Variants in SIRT4 observed in about 807,000 individuals in gnomAD.
SIRT4 encodes the protein NAD-dependent protein lipoamidase sirtuin-4, mitochondrial.
In SIRT4, 23 loss-of-function variants were observed where a neutral mutation model predicts 26.1. That is an observed-to-expected ratio of 0.88 (90% CI 0.63 to 1.25). The LOEUF (loss-of-function observed/expected upper bound fraction) is 1.25, where lower values mean the gene tolerates loss of function less well. Among genes scored for constraint, SIRT4 ranks in the 50% most tolerant of loss-of-function variants. SIRT4 has a pLI of 0.00. For missense variants in SIRT4, 361 were observed against 405.4 expected, an observed-to-expected ratio of 0.89 and a Z score of 0.94; for synonymous variants, 155 against 158.4, an observed-to-expected ratio of 0.98 and a Z score of 0.16.
rs200521731 is a variant in SIRT4 at position 120,306,027 on chromosome 12, AG to A, written c.497+1970del. On this transcript the variant is annotated intron_variant, in intron 2 of 3. Coordinates refer to ENST00000202967, the MANE Select transcript of SIRT4 (RefSeq NM_012240.3). ...ACTCCGTCTCAAAAAAAAAAAAAAA[AG>A]AAAGAAAGAAAATTGTGTCCACCAG... Among the ~76,000 whole-genome samples, 68 of 150,644 alleles carry A rather than the reference AG, an allele frequency of 4.5e-4. 1 individual carries two copies. The highest frequency in any genetic ancestry group is 1.2e-3 in the African/African-American group (50 of 41,364).
At chr12:120,302,091 T>G (rs1872571372), upstream of SIRT4, among the ~76,000 whole-genome samples, 1 of 150,732 alleles carries the variant, frequency 6.6e-6, no homozygotes, top group Non-Finnish European at 1.5e-5. Context: ...AAAAAAAATC[T>G]TATGTACACT....
chr12:120,297,494 CAAA>C (rs200686377), upstream of SIRT4, among the ~76,000 whole-genome samples: 1,841 of 83,616 alleles, frequency 0.022, 42 homozygotes, highest in African/African-American at 0.061. Context: ...ACTTGGATGA[CAAA>C]AAAAAAAAGA....
intron 2 of SIRT4, among the ~76,000 whole-genome samples, chr12:120,308,101 C>G (rs1872812519): frequency 6.6e-6 from 1 of 151,590 alleles, no homozygotes; most frequent in African/African-American, 2.4e-5. Flanking sequence ...AAGCCCTCCT[C>G]CTGCCTTGAT....
intron 2 of SIRT4, among the ~76,000 whole-genome samples, chr12:120,309,618 G>A (rs779852461): frequency 1.1e-4 from 17 of 151,382 alleles, no homozygotes; most frequent in Admixed American, 2.6e-4. Context: ...CACCGTGTTG[G>A]GCCAGGCTGG....
the SIRT4 span, among the ~76,000 whole-genome samples, chr12:120,292,198 G>A: frequency 6.6e-6 from 1 of 152,224 alleles, no homozygotes; most frequent in East Asian, 1.9e-4. Context: ...TGAGCAGTGG[G>A]AAAGCGAGCC....
chr12:120,312,998 C>T lies in SIRT4; in HGVS notation c.907C>T (p.Arg303Cys), dbSNP rs200335467. Residue 303 changes from arginine to cysteine, a missense_variant, in exon 4 of 4, where the codon CGT (arginine) becomes TGT (cysteine). Coordinates refer to ENST00000202967, the MANE Select transcript of SIRT4 (RefSeq NM_012240.3). ...CTTGGCGTGTCTGAAACTGAATTCT[C>T]GTTGTGGAGAGTTGCTGCCTTTGAT... ...DDLACLKLNS[R>C]CGELLPLIDP... 58 of 1,614,144 alleles carry T rather than the reference C, an allele frequency of 3.6e-5. No homozygotes were observed. Among genetic ancestry groups the T allele is most frequent in the South Asian group, 1.4e-4 (13 of 91,082 alleles).
chr12:120,296,274 G>C, the SIRT4 span, among the ~76,000 whole-genome samples: 1 of 151,082 alleles, frequency 6.6e-6, no homozygotes, highest in African/African-American at 2.4e-5. Context: ...CTGGAGTGCA[G>C]TGGCGCAATC....
chr12:120,293,225 A>T, the SIRT4 span: 22 of 152,332 alleles, frequency 1.4e-4, no homozygotes, highest in East Asian at 3.9e-3. Flanking sequence ...CGATACTGCC[A>T]CTGCGCAAAG....
chr12:120,300,408 C>T (rs1337661141), upstream of SIRT4, among the ~76,000 whole-genome samples: 3 of 152,106 alleles, frequency 2.0e-5, no homozygotes, highest in African/African-American at 7.2e-5. Context: ...TCTCAAGCTT[C>T]CACATTACTT....
Position 120,312,959 on chromosome 12 carries a change from A to T in SIRT4, c.868A>T (p.Thr290Ser). The T allele has an allele frequency of 6.2e-7, 1 of 1,614,136 alleles. No homozygotes were observed. Among genetic ancestry groups the T allele is most frequent in the Non-Finnish European group, 8.5e-7 (1 of 1,180,030 alleles). Residue 290 changes from threonine (T) to serine (S), a missense_variant, in exon 4 of 4, where the codon ACA becomes TCA. By Grantham distance (58) the Thr-to-Ser change is moderately conservative. Coordinates refer to ENST00000202967, the MANE Select transcript of SIRT4 (RefSeq NM_012240.3). The part of the protein sequence containing the change: ...LPIAILNIGP[T>S]RSDDLACLKL... The stretch of plus-strand genomic sequence containing the variant: ...GATTGCAATACTGAACATTGGGCCC[A>T]CACGGTCGGATGACTTGGCGTGTCT...
At chr12:120,305,233 G>A (rs1312971529) in intron 2 of SIRT4, among the ~76,000 whole-genome samples, 1 of 57,222 alleles carries the variant, frequency 1.7e-5, no homozygotes, top group Non-Finnish European at 3.4e-5. Context: ...TTTTGTGTTT[G>A]TGTGTGCACG....
rs1388772657 is a variant in SIRT4, at chr12:120,304,827, ATATATATATTTTTTTTTTT to A, written c.497+771_497+789del. The stretch of plus-strand genomic sequence containing the variant: ...TTTATATATATATATATATATATAT[ATATATATATTTTTTTTTTT>A]TTTTTTTTTTTTTAAAGAAAGTTGA... On this transcript the variant is annotated intron_variant, in intron 2 of 3. Transcript: ENST00000202967. 6.6e-4 allele frequency among the ~76,000 whole-genome samples: 69 copies of A among 104,228 alleles called. 3 individuals are homozygous for A. The highest frequency in any genetic ancestry group is 4.7e-3 in the Middle Eastern group (1 of 214). The allele number at this position is 104,228 out of a possible 152,430, so 68.4% of individuals were successfully genotyped here.
At chr12:120,306,492 C>A (rs988160025) in intron 2 of SIRT4, among the ~76,000 whole-genome samples, 31 of 142,144 alleles carry the variant, frequency 2.2e-4, no homozygotes, top group Admixed American at 7.1e-4. Context: ...AAAAAAAAAA[C>A]AAACAAAAAA....
chr12:120,293,035 A>AT, the SIRT4 span: 1 of 149,956 alleles, frequency 6.7e-6, no homozygotes, highest in African/African-American at 2.5e-5. Context: ...TCAACCTCCC[A>AT]AAACCAAGCA....
At chr12:120,294,912 C>T in the SIRT4 span, among the ~76,000 whole-genome samples, 177 of 151,766 alleles carry the variant, frequency 1.2e-3, 1 homozygote, top group South Asian at 0.017. Flanking sequence ...ATGCAACCTC[C>T]GCCTCTGGGG....
At chr12:120,301,562 G>T (rs1014615013), upstream of SIRT4, among the ~76,000 whole-genome samples, 2 of 152,128 alleles carry the variant, frequency 1.3e-5, no homozygotes, top group African/African-American at 2.4e-5. Flanking sequence ...CATTTTGGGG[G>T]GCCGAGGTTG....
At chr12:120,309,405 TTTC>T in intron 2 of SIRT4, among the ~76,000 whole-genome samples, 1 of 151,248 alleles carries the variant, frequency 6.6e-6, no homozygotes, top group South Asian at 2.1e-4. Flanking sequence ...GGGGCCTTTT[TTTC>T]TTTTCTTTTT....
At position 120,312,619 on chromosome 12, in the gene SIRT4, G is replaced by A. The variant is rs201105495; in HGVS notation, c.661G>A (p.Val221Ile). 3.3e-5 allele frequency: 54 copies of A among 1,614,044 alleles called. No individual in the cohort carries two copies. The highest frequency in any genetic ancestry group is 3.3e-4 in the Middle Eastern group (2 of 6,084). Reference protein sequence around the residue: ...QVRSFQVPTCVQCGGHLKPDV... With the variant: ...QVRSFQVPTCIQCGGHLKPDV... ...CCGGAGCTTTCAGGTCCCAACCTGCGTTCAATGTGGAGGCCATCTGAAACC... is the reference window on the plus strand; with the variant it reads ...CCGGAGCTTTCAGGTCCCAACCTGCATTCAATGTGGAGGCCATCTGAAACC... Residue 221 changes from valine to isoleucine, a missense_variant, in exon 3 of 4, where the codon GTT (valine) becomes ATT (isoleucine). Physicochemically the swap from Val to Ile is conservative, Grantham distance 29 (BLOSUM62 3). Coordinates refer to ENST00000202967, the MANE Select transcript of SIRT4 (RefSeq NM_012240.3).
rs200743967 is a variant in SIRT4, at chr12:120,312,963, G to C, written c.872G>C (p.Arg291Pro). ...PIAILNIGPT[R>P]SDDLACLKLN... ...GCAATACTGAACATTGGGCCCACAC[G>C]GTCGGATGACTTGGCGTGTCTGAAA... Residue 291 changes from arginine to proline, a missense_variant, in exon 4 of 4, where the codon CGG becomes CCG. Coordinates refer to ENST00000202967, the MANE Select transcript of SIRT4 (RefSeq NM_012240.3). The C allele has an allele frequency of 6.2e-7, 1 of 1,614,148 alleles. No individual in the cohort carries two copies.
Sources: allele counts gnomAD v4.1 joint callset (sites outside exome capture counted in the v4.1 genomes callset), GRCh38; gene constraint gnomAD v4.1.1; transcripts MANE v1.5; gene names NCBI Gene and HGNC (gene_info 2026-07-23, HGNC 2026-07-21).